LYRM4: variants seen among roughly 807,000 people sequenced by gnomAD.
The protein encoded by LYRM4 is LYR motif containing 4.
Under a neutral mutation model 11.7 loss-of-function variants are expected in LYRM4, and 9 were observed. The ratio of observed to expected loss-of-function variants is 0.77; its 90% CI spans 0.46 to 1.34. LYRM4 has a LOEUF of 1.34. LYRM4 is among the 40% of genes most tolerant of loss of function. The probability of loss-of-function intolerance (pLI) is 0.00; values close to 1 mark genes in which losing one functional copy is unlikely to be tolerated. For missense variants in LYRM4, 133 were observed against 112.5 expected, an observed-to-expected ratio of 1.18 and a Z score of -0.82; for synonymous variants, 42 against 40.4, an observed-to-expected ratio of 1.04 and a Z score of -0.15.
intron 2 of LYRM4, chr6:5,144,016 A>T (rs1278054207): frequency 8.4e-7 from 1 of 1,189,840 alleles, no homozygotes; most frequent in Admixed American, 2.7e-5. Context: ...CCAAGGCTCA[A>T]AGAAGCCCCT....
chr6:5,053,927 G>A, the LYRM4 span, among the ~76,000 whole-genome samples: 3 of 152,216 alleles, frequency 2.0e-5, no homozygotes, highest in Non-Finnish European at 4.4e-5. Flanking sequence ...GAGGCTCCCA[G>A]AATGTATTTT....
At chr6:5,136,889 T>C (rs1477973521) in intron 2 of LYRM4, 2 of 941,134 alleles carry the variant, frequency 2.1e-6, no homozygotes, top group Non-Finnish European at 2.5e-6. Context: ...AGTGTACAAT[T>C]CAATGGTTTT....
At chr6:5,104,425 C>T (rs957408432), downstream of LYRM4, 63 of 152,196 alleles carry the variant, frequency 4.1e-4, no homozygotes, top group African/African-American at 1.4e-3. Flanking sequence ...CAGTTGCATG[C>T]CACCACACCC....
chr6:5,258,072 G>C (rs1000985490), intron 1 of LYRM4, among the ~76,000 whole-genome samples: 4 of 152,172 alleles, frequency 2.6e-5, no homozygotes, highest in African/African-American at 9.7e-5. Context: ...CTGCTGGATA[G>C]AACAGTACTT....
the LYRM4 span, among the ~76,000 whole-genome samples, chr6:5,080,298 A>G: frequency 6.6e-6 from 1 of 152,244 alleles, no homozygotes; most frequent in South Asian, 2.1e-4. Context: ...ATAAAATAAA[A>G]AGAGAAAAAA....
At chr6:5,062,121 G>A in the LYRM4 span, among the ~76,000 whole-genome samples, 2 of 110,376 alleles carry the variant, frequency 1.8e-5, no homozygotes, top group South Asian at 2.9e-4. Flanking sequence ...GTCTCGCTCT[G>A]TTGCCCAGGC....
chr6:5,144,195 C>T (rs1757567904), intron 2 of LYRM4: 2 of 1,536,744 alleles, frequency 1.3e-6, no homozygotes, highest in Non-Finnish European at 1.7e-6. Flanking sequence ...CCAACTTGTG[C>T]AGGGCTTCCC....
chr6:5,100,211 C>G (rs1762456393), downstream of LYRM4, among the ~76,000 whole-genome samples: 1 of 152,184 alleles, frequency 6.6e-6, no homozygotes, highest in Non-Finnish European at 1.5e-5. Context: ...GAAACTGATA[C>G]AAGCCAGCGT....
chr6:5,081,038 G>A, the LYRM4 span, among the ~76,000 whole-genome samples: 2 of 151,104 alleles, frequency 1.3e-5, no homozygotes, highest in Non-Finnish European at 2.9e-5. Flanking sequence ...TAGGTAACAC[G>A]AACAAACGGT....
rs1765055954 is a variant in LYRM4 at position 5,260,913 on chromosome 6, G to A, written c.-180C>T. On this transcript the variant is annotated 5_prime_UTR_variant, in exon 1 of 3. In the 5' UTR this introduces an upstream ATG that the reference lacks. Coordinates refer to ENST00000330636, the MANE Select transcript of LYRM4 (RefSeq NM_020408.6). ...CTGCGGATCGCGGACGGCGCCAGGCGTCCCGCGCCGCTTCGGGGGCGGGCG... is the reference window on the plus strand; with the variant it reads ...CTGCGGATCGCGGACGGCGCCAGGCATCCCGCGCCGCTTCGGGGGCGGGCG... 1.2e-5 allele frequency: 17 copies of A among 1,370,610 alleles called. No homozygotes were observed. The highest frequency in any genetic ancestry group is 1.6e-5 in the Non-Finnish European group (17 of 1,067,708). 84.9% of individuals were successfully genotyped at this position (1,370,610 alleles called of 1,614,324 possible). A position where few individuals can be genotyped will look rare whatever the true frequency, so the allele number is the denominator to read the frequency against.
chr6:5,176,347 G>A (rs1001017622), intron 2 of LYRM4, among the ~76,000 whole-genome samples: 1 of 152,214 alleles, frequency 6.6e-6, no homozygotes, highest in African/African-American at 2.4e-5. Context: ...ACAGGCATGA[G>A]CCACCGTGCC....
chr6:5,158,627 C>T (rs1416115098), intron 2 of LYRM4, among the ~76,000 whole-genome samples: 1 of 152,124 alleles, frequency 6.6e-6, no homozygotes, highest in Non-Finnish European at 1.5e-5. Flanking sequence ...CAGGCATGCA[C>T]CACCATGCCC....
At chr6:5,188,072 C>T (rs1017948501) in intron 2 of LYRM4, among the ~76,000 whole-genome samples, 14 of 152,136 alleles carry the variant, frequency 9.2e-5, no homozygotes, top group East Asian at 3.9e-4. Flanking sequence ...GCATTGGCCA[C>T]GCATGGTGGC....
intron 1 of LYRM4, among the ~76,000 whole-genome samples, chr6:5,243,778 C>T (rs375732953): frequency 3.9e-5 from 6 of 152,246 alleles, no homozygotes; most frequent in African/African-American, 1.4e-4. Flanking sequence ...CTTTATCTTT[C>T]AAATTGGTTC....
intron 2 of LYRM4, among the ~76,000 whole-genome samples, chr6:5,163,891 C>A (rs1263020975): frequency 1.3e-5 from 2 of 152,104 alleles, no homozygotes; most frequent in Non-Finnish European, 2.9e-5. Context: ...ACAGCATGAG[C>A]CACTGTGCCC....
At chr6:5,207,623 G>A (rs1435735996) in intron 2 of LYRM4, among the ~76,000 whole-genome samples, 1 of 152,188 alleles carries the variant, frequency 6.6e-6, no homozygotes, top group Non-Finnish European at 1.5e-5. Flanking sequence ...TTCAGTGATA[G>A]CTTGTCTGGA....
At chr6:5,184,208 C>T (rs547994653) in intron 2 of LYRM4, among the ~76,000 whole-genome samples, 6 of 152,092 alleles carry the variant, frequency 3.9e-5, no homozygotes, top group Non-Finnish European at 7.4e-5. Context: ...ATAATGATCC[C>T]GAGATGTCCA....
At chr6:5,158,661 G>C (rs11756106) in intron 2 of LYRM4, among the ~76,000 whole-genome samples, 1 of 151,986 alleles carries the variant, frequency 6.6e-6, no homozygotes, top group Non-Finnish European at 1.5e-5. Context: ...CTTTTTTGTA[G>C]AGGGTCCCAC....
chr6:5,161,463 T>C (rs963927987), intron 2 of LYRM4, among the ~76,000 whole-genome samples: 2 of 152,240 alleles, frequency 1.3e-5, no homozygotes, highest in Non-Finnish European at 2.9e-5. Flanking sequence ...AGTACAGCCT[T>C]ACTGGTTAGC....
Sources: gnomAD v4.1 joint callset for allele counts (sites outside exome capture counted in the v4.1 genomes callset) on GRCh38, gnomAD v4.1.1 for gene constraint, MANE v1.5 for transcripts, NCBI Gene and HGNC (gene_info 2026-07-23, HGNC 2026-07-21) for gene names.